The following NUP210L variants were observed in gnomAD, a reference collection of about 807,000 sequenced individuals.
The protein encoded by NUP210L is nuclear pore membrane glycoprotein 210-like.
In NUP210L, 74 loss-of-function variants were observed where a neutral mutation model predicts 208.5. The ratio of observed to expected loss-of-function variants is 0.35; its 90% CI spans 0.29 to 0.43. The LOEUF (loss-of-function observed/expected upper bound fraction) is 0.43. Ranked by LOEUF, NUP210L falls within the 20% of genes least tolerant of loss-of-function variation. NUP210L has a pLI of 1.00. For synonymous variants in NUP210L, 780 were observed against 816.9 expected (o/e 0.95, Z 0.77); for missense variants, 1,843 against 2,289.4 (o/e 0.81, Z 3.98).
At chr1:154,013,006 C>CAA (rs149011212) in intron 33 of NUP210L, among the ~76,000 whole-genome samples, 1,435 of 72,628 alleles carry the variant, frequency 0.02, 35 homozygotes, top group South Asian at 0.031. Flanking sequence ...AACTCTGAAT[C>CAA]AAAAAAAAAA....
intron 4 of NUP210L, among the ~76,000 whole-genome samples, chr1:154,140,189 A>G (rs908767356): frequency 6.6e-6 from 1 of 151,600 alleles, no homozygotes; most frequent in Non-Finnish European, 1.5e-5. Context: ...CATCTCTACT[A>G]AAAATACAAA....
In NUP210L at chr1:154,023,319, G is replaced by A. The variant is rs201612883; in HGVS notation, c.4123-22C>T. 3.8e-6 allele frequency: 6 copies of A among 1,581,838 alleles called. No homozygotes were observed. The African/African-American group carries it at 6.8e-5, about 18-fold the overall frequency. On this transcript the variant is annotated intron_variant, in intron 30 of 39. Transcript: ENST00000368559. ...CTACCTGTGGGAGACAAAACCTACTGGTACAGAGAAAGATGCACTGGAGAA... is the reference window on the plus strand; with the variant it reads ...CTACCTGTGGGAGACAAAACCTACTAGTACAGAGAAAGATGCACTGGAGAA...
chr1:154,109,090 A>G (rs1335975556), intron 12 of NUP210L, among the ~76,000 whole-genome samples: 1 of 151,692 alleles, frequency 6.6e-6, no homozygotes, highest in Non-Finnish European at 1.5e-5. Context: ...ACAAGAGTGA[A>G]ACTCCATCTC....
chr1:154,009,849 A>G, intron 35 of NUP210L, 123 bp downstream of exon 35: 1 of 773,696 alleles, frequency 1.3e-6, no homozygotes, highest in Non-Finnish European at 1.9e-6. Flanking sequence ...ATGTTGCCTG[A>G]CAAAGATTCC....
At chr1:154,121,207 C>T (rs1411259008) in intron 10 of NUP210L, among the ~76,000 whole-genome samples, 1 of 152,160 alleles carries the variant, frequency 6.6e-6, no homozygotes, top group Non-Finnish European at 1.5e-5. Context: ...TTACCTAAAG[C>T]TTTGCCTTCT....
intron 32 of NUP210L, among the ~76,000 whole-genome samples, chr1:154,020,821 G>A (rs566390507): frequency 4.5e-4 from 69 of 151,824 alleles, no homozygotes; most frequent in African/African-American, 1.6e-3. Flanking sequence ...CACTACACCC[G>A]GCCTTAATTT....
intron 30 of NUP210L, among the ~76,000 whole-genome samples, chr1:154,024,797 G>C (rs976570225): frequency 6.6e-6 from 1 of 151,122 alleles, no homozygotes; most frequent in African/African-American, 2.4e-5. Context: ...CTTCCAAAGT[G>C]CTGGGCTTAC....
intron 38 of NUP210L, among the ~76,000 whole-genome samples, chr1:153,993,767 G>A (rs367797764): frequency 3.3e-5 from 5 of 152,052 alleles, no homozygotes; most frequent in South Asian, 2.1e-4. Context: ...GTGTGGTGGC[G>A]GGTGTCTGTA....
chr1:153,997,483 T>C (rs1649961519), intron 37 of NUP210L, among the ~76,000 whole-genome samples: 1 of 150,476 alleles, frequency 6.6e-6, no homozygotes, highest in Non-Finnish European at 1.5e-5. Flanking sequence ...TTTTTTTTTT[T>C]TCCTGAAACA....
chr1:154,016,959 C>T (rs1651279146), intron 33 of NUP210L, among the ~76,000 whole-genome samples: 1 of 151,646 alleles, frequency 6.6e-6, no homozygotes. Flanking sequence ...GGGCGATACT[C>T]CATCTCAAAA....
intron 12 of NUP210L, among the ~76,000 whole-genome samples, chr1:154,110,942 A>C (rs772068850): frequency 2.6e-5 from 4 of 151,482 alleles, no homozygotes; most frequent in Non-Finnish European, 5.9e-5. Context: ...TAGAAGAAAT[A>C]ATAAAGATCA....
At chr1:154,050,713 G>A (rs182810104) in intron 25 of NUP210L, among the ~76,000 whole-genome samples, 33 of 152,118 alleles carry the variant, frequency 2.2e-4, no homozygotes, top group Non-Finnish European at 3.4e-4. Context: ...GATTTTGTGG[G>A]TATTCTCAAT....
At chr1:154,059,110 G>A (rs1370936843) in intron 20 of NUP210L, among the ~76,000 whole-genome samples, 1 of 152,120 alleles carries the variant, frequency 6.6e-6, no homozygotes, top group Non-Finnish European at 1.5e-5. Context: ...TGAGGCAAGA[G>A]GATTGCTTGA....
intron 35 of NUP210L, 51 bp downstream of exon 35, chr1:154,009,921 T>C: frequency 1.4e-6 from 2 of 1,468,254 alleles, no homozygotes; most frequent in Non-Finnish European, 1.9e-6. Context: ...GGGACAATTA[T>C]ACAAATAGAT....
intron 28 of NUP210L, among the ~76,000 whole-genome samples, chr1:154,028,017 C>A (rs180787578): frequency 6.6e-6 from 1 of 152,172 alleles, no homozygotes; most frequent in Non-Finnish European, 1.5e-5. Context: ...AGGTCTTCCA[C>A]CTTCTAGTAA....
At chr1:154,143,715 G>C in intron 2 of NUP210L, 138 bp from the exon 3 acceptor site, 1 of 642,876 alleles carries the variant, frequency 1.6e-6, no homozygotes, top group South Asian at 2.8e-5. Flanking sequence ...GAAGAAAATA[G>C]CATAATAATA....
chr1:154,055,857 A>G (rs1486355597), intron 23 of NUP210L, among the ~76,000 whole-genome samples: 1 of 152,230 alleles, frequency 6.6e-6, no homozygotes, highest in African/African-American at 2.4e-5. Context: ...GATCATTAAA[A>G]TTATGTTTAC....
intron 4 of NUP210L, among the ~76,000 whole-genome samples, chr1:154,140,653 CAAGACTCCATCTCAAAAAAAAAA>C: frequency 8.0e-6 from 1 of 125,542 alleles, no homozygotes. Flanking sequence ...AGTGACAGAG[CAAGACTCCATCTCAAAAAAAAAA>C]ACAGAAAAAG....
At chr1:154,098,655 T>C (rs1419625072) in intron 14 of NUP210L, among the ~76,000 whole-genome samples, 1 of 151,996 alleles carries the variant, frequency 6.6e-6, no homozygotes, top group Non-Finnish European at 1.5e-5. Flanking sequence ...GCCTGGAGCT[T>C]TTATGGGCAT....
Sources: allele counts gnomAD v4.1 joint callset (sites outside exome capture counted in the v4.1 genomes callset), GRCh38; gene constraint gnomAD v4.1.1; transcripts MANE v1.5; gene names NCBI Gene and HGNC (gene_info 2026-07-23, HGNC 2026-07-21).